SLC43A3: variants seen among roughly 807,000 people sequenced by gnomAD.
The protein encoded by SLC43A3 is equilibrative nucleobase transporter 1.
SLC43A3 carries 33 observed loss-of-function variants against 53.3 expected under a neutral mutation model. That is an observed-to-expected ratio of 0.62 (90% CI 0.47 to 0.83). The LOEUF is 0.83. Among genes scored for constraint, SLC43A3 ranks in the 40% least tolerant of loss-of-function variants. The probability of loss-of-function intolerance (pLI) is 0.00; values close to 1 mark genes in which losing one functional copy is unlikely to be tolerated. For synonymous variants in SLC43A3, 236 were observed against 246.2 expected, an observed-to-expected ratio of 0.96 and a Z score of 0.39; for missense variants, 530 against 610.0, an observed-to-expected ratio of 0.87 and a Z score of 1.38.
chr11:57,411,210 G>A (rs1942445546), intron 11 of SLC43A3, among the ~76,000 whole-genome samples: 1 of 152,122 alleles, frequency 6.6e-6, no homozygotes, highest in Admixed American at 6.5e-5. Flanking sequence ...AAATGTAAAT[G>A]TCTGATATGT....
rs140423544 is a variant in SLC43A3, at chr11:57,417,790, C to T, written c.629G>A (p.Arg210Gln). The T allele has an allele frequency of 3.8e-5, 62 of 1,613,968 alleles. No homozygotes were observed. Among genetic ancestry groups the T allele is most frequent in the Non-Finnish European group, 5.1e-5 (60 of 1,179,998 alleles). Residue 210 changes from arginine (R) to glutamine (Q), a missense_variant, in exon 8 of 14, where the codon CGG becomes CAG. Arg to Gln is a conservative substitution (Grantham distance 43). This residue lies in a region of SLC43A3 where 376 missense variants were observed against 386.7 expected (regional missense o/e 0.97). Transcript: ENST00000395124. ...GGGCAGTGGGTATGGGATGTGCCCC[C>T]GGGGCATCAGGAGGAAAGTGCGTGC... The part of the protein sequence containing the change: ...HVARTFLLMP[R>Q]GHIPYPLPPN...
intron 9 of SLC43A3, 171 bp from the exon 10 acceptor site, chr11:57,415,277 T>C (rs1184349819): frequency 6.5e-7 from 1 of 1,532,264 alleles, no homozygotes; most frequent in Non-Finnish European, 8.7e-7. Context: ...CATCCCCACC[T>C]CCCTGCTTTG....
Position 57,414,642 on chromosome 11 carries a change from T to A in SLC43A3, c.1033A>T (p.Lys345Ter), listed in dbSNP as rs1245400684. ...NGLLMDRLKQ[K>*]YQKEARKTGS... ...GTCTTTCTTGCTTCCTTCTGGTACT[T>A]CTGTTTAAGCCGGTCCATGAGCAGG... The change falls in exon 11 of 14, where the codon AAG (lysine) becomes TAG (stop). Residue 345 changes from lysine to a stop codon, truncating the protein, a stop_gained. Transcript: ENST00000395124. LOFTEE classifies it high-confidence loss of function. 2 of 1,613,614 alleles carry A rather than the reference T, an allele frequency of 1.2e-6. No individual in the cohort carries two copies. Among genetic ancestry groups the A allele is most frequent in the Non-Finnish European group, 1.7e-6 (2 of 1,179,642 alleles).
chr11:57,423,554 G>A (rs1943079859), intron 5 of SLC43A3: 2 of 156,480 alleles, frequency 1.3e-5, no homozygotes, highest in Non-Finnish European at 2.8e-5. Context: ...TCAGCCTCCT[G>A]AGTGGCTGGG....
intron 11 of SLC43A3, among the ~76,000 whole-genome samples, chr11:57,414,248 C>T (rs373632425): frequency 5.3e-5 from 8 of 152,290 alleles, no homozygotes; most frequent in East Asian, 1.9e-4. Context: ...TGGTGCTTCA[C>T]GCCTGTTATC....
At chr11:57,422,518 G>A (rs181548813) in intron 5 of SLC43A3, among the ~76,000 whole-genome samples, 167 of 152,262 alleles carry the variant, frequency 1.1e-3, no homozygotes, top group African/African-American at 3.2e-3. Flanking sequence ...CTTAACTACC[G>A]TGCTATACCT....
At chr11:57,412,057 A>G (rs1214060407) in intron 11 of SLC43A3, among the ~76,000 whole-genome samples, 1 of 152,186 alleles carries the variant, frequency 6.6e-6, no homozygotes, top group Non-Finnish European at 1.5e-5. Flanking sequence ...GAGCAATAAA[A>G]AACCTCAGCA....
At position 57,417,900 on chromosome 11, in the gene SLC43A3, A is replaced by G. The variant is rs754666836; in HGVS notation, c.532-13T>C. 1.2e-6 allele frequency: 2 copies of G among 1,613,416 alleles called. No homozygotes were observed. Among genetic ancestry groups the G allele is most frequent in the East Asian group, 4.5e-5 (2 of 44,886 alleles). On this transcript the variant is annotated splice_polypyrimidine_tract_variant and intron_variant, in intron 7 of 13. Coordinates refer to ENST00000395124, the MANE Select transcript of SLC43A3 (RefSeq NM_199329.3). ...TTTCATAAAGAAGCTGCAGAAGGAG[A>G]AGGAAAAAGTCAGTGTCACACCCAC...
chr11:57,423,112 A>G (rs943992821), intron 5 of SLC43A3, among the ~76,000 whole-genome samples: 2 of 152,208 alleles, frequency 1.3e-5, no homozygotes, highest in Non-Finnish European at 2.9e-5. Flanking sequence ...CCTGCACATC[A>G]GGCCCACCTC....
Position 57,415,112 on chromosome 11 carries a change from G to C in SLC43A3, c.770-6C>G. 1 of 1,602,512 alleles carries C rather than the reference G, an allele frequency of 6.2e-7. No individual in the cohort carries two copies. Among genetic ancestry groups the C allele is most frequent in the Non-Finnish European group, 8.5e-7 (1 of 1,173,952 alleles). On this transcript the variant is annotated splice_polypyrimidine_tract_variant and splice_region_variant and intron_variant, in intron 9 of 13. Coordinates refer to ENST00000395124, the MANE Select transcript of SLC43A3 (RefSeq NM_199329.3). ...CTGCCCTGCCCCTGGGGTCTCTAAT[G>C]GGGAGAGGAGGATCTGGGCGTGAAT...
chr11:57,415,262 TCA>T, intron 9 of SLC43A3, 156 bp from the exon 10 acceptor site: 1 of 1,534,744 alleles, frequency 6.5e-7, no homozygotes, highest in Non-Finnish European at 8.7e-7. Flanking sequence ...TGCCTCGGAC[TCA>T]CACATCCCCA....
rs141368298 is a variant in SLC43A3, at chr11:57,418,983, G to A, written c.532-1096C>T. 1.2e-4 allele frequency among the ~76,000 whole-genome samples: 18 copies of A among 152,182 alleles called. No individual in the cohort carries two copies. The East Asian group carries it at 3.3e-3, about 28-fold the overall frequency. ...CAGAAGAGGCAGGGGCTGGAACCCT[G>A]TTTTCTAAGGAGTCCTAGTACAAGC... On this transcript the variant is annotated intron_variant, in intron 7 of 13. Coordinates refer to ENST00000395124, the MANE Select transcript of SLC43A3 (RefSeq NM_199329.3).
intron 12 of SLC43A3, 142 bp downstream of exon 12, chr11:57,409,793 A>C: frequency 1.4e-6 from 1 of 704,726 alleles, no homozygotes; most frequent in Non-Finnish European, 2.4e-6. Flanking sequence ...CTCTGGTCTC[A>C]CCCCCTCCAC....
In SLC43A3 at chr11:57,407,610, G is replaced by T; in HGVS notation, c.*182C>A. 1 of 562,434 alleles carries T rather than the reference G, an allele frequency of 1.8e-6. No individual in the cohort carries two copies. The highest frequency in any genetic ancestry group is 2.9e-5 in the East Asian group (1 of 34,204). 34.8% of individuals were successfully genotyped at this position (562,434 alleles called of 1,614,324 possible). On this transcript the variant is annotated 3_prime_UTR_variant, in exon 14 of 14. Transcript: ENST00000395124. ...CTTTGAGTCTGTGTGATATCAATCTGCTTGGCAACTGAGATTCTTTTCTTG... is the reference window on the plus strand; with the variant it reads ...CTTTGAGTCTGTGTGATATCAATCTTCTTGGCAACTGAGATTCTTTTCTTG...
At chr11:57,414,876 G>A in intron 10 of SLC43A3, 57 bp downstream of exon 10, 1 of 1,590,952 alleles carries the variant, frequency 6.3e-7, no homozygotes, top group South Asian at 1.1e-5. Context: ...CTGCTGGGAG[G>A]CTCTGTGTTC....
At chr11:57,416,189 G>T (rs927310083) in intron 9 of SLC43A3, among the ~76,000 whole-genome samples, 1 of 152,200 alleles carries the variant, frequency 6.6e-6, no homozygotes, top group Non-Finnish European at 1.5e-5. Flanking sequence ...GGAAGGAAAG[G>T]AAGCAGTGAT....
chr11:57,411,546 TC>T (rs1212788246), intron 11 of SLC43A3, among the ~76,000 whole-genome samples: 2 of 149,620 alleles, frequency 1.3e-5, no homozygotes, highest in Non-Finnish European at 3.0e-5. Context: ...ATGCCTGTAG[TC>T]CAAGCTACTT....
chr11:57,410,632 C>CAA (rs551846375), intron 11 of SLC43A3, among the ~76,000 whole-genome samples: 1 of 136,060 alleles, frequency 7.3e-6, no homozygotes. Context: ...AGAGTTACAT[C>CAA]AAAAAAAAAA....
At position 57,421,299 on chromosome 11, in the gene SLC43A3, G is replaced by A. The variant is rs1942979372; in HGVS notation, c.436C>T (p.Gln146Ter). The part of the protein sequence containing the change: ...GGILFLITNL[Q>*]IGNLFGQHRS... ...CTGGGATTAGGGAAGGCTCCCACCT[G>A]CAGGTTGGTGATGAGAAACAGGATT... The change falls in exon 6 of 14, where the codon CAG becomes TAG. Residue 146 changes from glutamine (Q) to a stop codon, truncating the protein, a stop_gained and splice_region_variant. Coordinates refer to ENST00000395124, the MANE Select transcript of SLC43A3 (RefSeq NM_199329.3). LOFTEE classifies it high-confidence loss of function. 1 of 1,612,348 alleles carries A rather than the reference G, an allele frequency of 6.2e-7. No individual in the cohort carries two copies. The highest frequency in any genetic ancestry group is 8.5e-7 in the Non-Finnish European group (1 of 1,178,676).
Sources: gnomAD v4.1 joint callset for allele counts (sites outside exome capture counted in the v4.1 genomes callset) on GRCh38, gnomAD v4.1.1 for gene constraint, gnomAD v4.1.1 regional missense constraint, MANE v1.5 for transcripts, NCBI Gene and HGNC (gene_info 2026-07-23, HGNC 2026-07-21) for gene names.